Variants in SLC7A7 observed in about 807,000 individuals in gnomAD.
SLC7A7 encodes the protein solute carrier family 7 member 7.
In SLC7A7, 39 loss-of-function variants were observed where a neutral mutation model predicts 47.9. That is an observed-to-expected ratio of 0.81 (90% CI 0.63 to 1.06). The LOEUF is 1.06. Among genes scored for constraint, SLC7A7 ranks in the 50% least tolerant of loss-of-function variants. The pLI, the probability that SLC7A7 is intolerant of heterozygous loss-of-function variation, is 0.00. For synonymous variants in SLC7A7, 234 were observed against 242.8 expected, an observed-to-expected ratio of 0.96 and a Z score of 0.34; for missense variants, 588 against 632.0, an observed-to-expected ratio of 0.93 and a Z score of 0.75.
At chr14:22,800,269 C>A (rs1469507066) in intron 2 of SLC7A7, among the ~76,000 whole-genome samples, 2 of 152,224 alleles carry the variant, frequency 1.3e-5, no homozygotes, top group Admixed American at 6.5e-5. Context: ...GACAGCCCAC[C>A]AAACTCCTTA....
intron 2 of SLC7A7, among the ~76,000 whole-genome samples, chr14:22,790,708 G>A (rs1035333964): frequency 5.3e-5 from 8 of 151,666 alleles, no homozygotes; most frequent in African/African-American, 1.5e-4. Context: ...TCAGTAAAAG[G>A]TCAAATACGG....
intron 2 of SLC7A7, among the ~76,000 whole-genome samples, chr14:22,787,656 T>C (rs2038841352): frequency 6.6e-6 from 1 of 151,950 alleles, no homozygotes; most frequent in Non-Finnish European, 1.5e-5. Flanking sequence ...CTCAGGAGGC[T>C]GAGACATGGG....
rs2038584072 is a variant in SLC7A7, at chr14:22,775,501, A to G, written c.1038T>C (p.Asp346=). 6.2e-7 allele frequency: 1 copy of G among 1,614,256 alleles called. No individual in the cohort carries two copies. The highest frequency in any genetic ancestry group is 1.1e-5 in the South Asian group (1 of 91,090). Residue 346 remains aspartate (D), a synonymous_variant, in exon 7 of 10, where the codon GAT becomes GAC. Coordinates refer to ENST00000674313, the MANE Select transcript of SLC7A7 (RefSeq NM_003982.4). The stretch of plus-strand genomic sequence containing the variant: ...GCTCAACATGGATCATGCAGATGGC[A>G]TCAGGGAGATGGCCTTCTCTTGAGC... ...FVGSREGHLP[D]AICMIHVERF...
chr14:22,775,687 A>C lies in SLC7A7; in HGVS notation c.998+146T>G, dbSNP rs2038588661. On this transcript the variant is annotated intron_variant, in intron 6 of 9. Transcript: ENST00000674313. Reference sequence around the variant, plus strand: ...CTGGAGCTCAGTATTAAGATTAATGACAACTGCAGGCTTCTGCTAGAAACA... The same window carrying C: ...CTGGAGCTCAGTATTAAGATTAATGCCAACTGCAGGCTTCTGCTAGAAACA... 10 of 920,834 alleles carry C rather than the reference A, an allele frequency of 1.1e-5. No individual in the cohort carries two copies. The South Asian group carries it at 1.2e-4, about 11-fold the overall frequency. The allele number at this position is 920,834 out of a possible 1,614,324, so 57.0% of individuals were successfully genotyped here.
At chr14:22,818,207 C>T (rs2039431705), upstream of SLC7A7, among the ~76,000 whole-genome samples, 1 of 151,230 alleles carries the variant, frequency 6.6e-6, no homozygotes, top group South Asian at 2.1e-4. Context: ...TGACTGGTAG[C>T]ATCTGAAAAG....
chr14:22,817,916 C>G (rs1246529311), upstream of SLC7A7, among the ~76,000 whole-genome samples: 1 of 152,166 alleles, frequency 6.6e-6, no homozygotes, highest in Non-Finnish European at 1.5e-5. Context: ...GTTTGTTAAT[C>G]TCCTTCCTGG....
intron 2 of SLC7A7, among the ~76,000 whole-genome samples, chr14:22,794,330 G>A (rs563879370): frequency 3.9e-5 from 6 of 152,202 alleles, no homozygotes; most frequent in South Asian, 2.1e-4. Flanking sequence ...GAGTCCTCCC[G>A]CTCTCCTTCC....
Position 22,773,946 on chromosome 14 carries a change from G to T in SLC7A7, c.1416C>A (p.Leu472=). Residue 472 remains leucine (L), a synonymous_variant, in exon 9 of 10, where the codon CTC becomes CTA. Coordinates refer to ENST00000674313, the MANE Select transcript of SLC7A7 (RefSeq NM_003982.4). ...RVPEHKRPLY[L]RRIVGSATRY... ...TGCACGGCTTACCCACGATCCTTCG[G>T]AGGTAAAGCGGTCGCTTATGTTCTG... The T allele has an allele frequency of 6.2e-7, 1 of 1,614,168 alleles. No homozygotes were observed. The highest frequency in any genetic ancestry group is 8.5e-7 in the Non-Finnish European group (1 of 1,180,046).
intron 2 of SLC7A7, among the ~76,000 whole-genome samples, chr14:22,804,996 A>C (rs1187916741): frequency 6.6e-6 from 1 of 152,140 alleles, no homozygotes; most frequent in Non-Finnish European, 1.5e-5. Context: ...AACAAGAGTG[A>C]AACTTCGTCT....
At chr14:22,798,534 G>C (rs1214975834) in intron 2 of SLC7A7, among the ~76,000 whole-genome samples, 1 of 152,124 alleles carries the variant, frequency 6.6e-6, no homozygotes, top group Non-Finnish European at 1.5e-5. Context: ...ATCATTGTAG[G>C]GTAGAGATAT....
chr14:22,814,985 C>T, intron 1 of SLC7A7: 1 of 228,140 alleles, frequency 4.4e-6, no homozygotes, highest in Middle Eastern at 1.8e-3. Context: ...ATCGTTGAAT[C>T]ACCCAAAAAA....
At chr14:22,796,540 C>T (rs1311575982) in intron 2 of SLC7A7, among the ~76,000 whole-genome samples, 3 of 152,206 alleles carry the variant, frequency 2.0e-5, no homozygotes, top group Non-Finnish European at 2.9e-5. Flanking sequence ...GTGTATGACA[C>T]GAAGAATCTT....
chr14:22,811,242 G>A (rs2039300841), intron 2 of SLC7A7, among the ~76,000 whole-genome samples: 1 of 152,198 alleles, frequency 6.6e-6, no homozygotes, highest in African/African-American at 2.4e-5. Context: ...CAAACTGATT[G>A]GAGAGCGGTG....
At position 22,783,162 on chromosome 14, in the gene SLC7A7, G is replaced by T. The variant is rs2038750327; in HGVS notation, c.500-3111C>A. ...TTGGTCAGGCTGGTCTCGAACTCCT[G>T]ACCTTGTGATCTGCCCTCCTCAGCC... is the stretch of plus-strand genomic sequence containing the variant. On this transcript the variant is annotated intron_variant, in intron 2 of 9. Coordinates refer to ENST00000674313, the MANE Select transcript of SLC7A7 (RefSeq NM_003982.4). 2.0e-5 allele frequency among the ~76,000 whole-genome samples: 3 copies of T among 151,940 alleles called. No homozygotes were observed. The South Asian group carries it at 6.2e-4, about 32-fold the overall frequency.
upstream of SLC7A7, chr14:22,816,258 G>T (rs1365006613): frequency 6.5e-6 from 1 of 154,462 alleles, no homozygotes; most frequent in Non-Finnish European, 1.4e-5. Flanking sequence ...TTGGGAGGCT[G>T]AGGCAGGCGG....
chr14:22,776,554 T>A (rs564286172), intron 4 of SLC7A7, among the ~76,000 whole-genome samples: 11 of 152,316 alleles, frequency 7.2e-5, no homozygotes, highest in Admixed American at 2.0e-4. Flanking sequence ...ACTGTGCAGC[T>A]GGGAGCAGTG....
chr14:22,801,528 A>C (rs1338428020), intron 2 of SLC7A7, among the ~76,000 whole-genome samples: 2 of 152,142 alleles, frequency 1.3e-5, no homozygotes, highest in Non-Finnish European at 2.9e-5. Context: ...TCACGCCTGT[A>C]ATCCCAGCAC....
chr14:22,788,583 C>A (rs7153183), intron 2 of SLC7A7, among the ~76,000 whole-genome samples: 109,888 of 151,272 alleles, frequency 0.73, 40,668 homozygotes, highest in East Asian at 0.95. Flanking sequence ...GGGCACCTGT[C>A]ATCCCAGCTA....
At chr14:22,797,158 T>C (rs558219953) in intron 2 of SLC7A7, among the ~76,000 whole-genome samples, 1 of 152,254 alleles carries the variant, frequency 6.6e-6, no homozygotes, top group South Asian at 2.1e-4. Context: ...CTACATCCAT[T>C]CCACCACACC....
Sources: allele counts gnomAD v4.1 joint callset (sites outside exome capture counted in the v4.1 genomes callset), GRCh38; gene constraint gnomAD v4.1.1; transcripts MANE v1.5; gene names NCBI Gene and HGNC (gene_info 2026-07-23, HGNC 2026-07-21).